The following ZFYVE16 variants were observed in gnomAD, a reference collection of about 807,000 sequenced individuals.
ZFYVE16 encodes the protein zinc finger FYVE-type containing 16, also known as zinc finger FYVE domain-containing protein 16.
Under a neutral mutation model 138.1 loss-of-function variants are expected in ZFYVE16, and 89 were observed. That is an observed-to-expected ratio of 0.64 (90% CI 0.54 to 0.77). ZFYVE16 has a LOEUF of 0.77. Ranked by LOEUF, ZFYVE16 falls within the 30% of genes least tolerant of loss-of-function variation. The pLI is 0.00. For synonymous variants in ZFYVE16, 596 were observed against 618.3 expected (o/e 0.96, Z 0.53); for missense variants, 1,793 against 1,786.7 (o/e 1.00, Z -0.06).
At chr5:80,467,276 A>G (rs1753842445) in intron 15 of ZFYVE16, among the ~76,000 whole-genome samples, 1 of 152,240 alleles carries the variant, frequency 6.6e-6, no homozygotes, top group Non-Finnish European at 1.5e-5. Context: ...AAGGGGTCAC[A>G]TGCAAGTTGC....
chr5:80,436,104 C>A (rs1390069399), intron 3 of ZFYVE16, among the ~76,000 whole-genome samples: 2 of 152,304 alleles, frequency 1.3e-5, no homozygotes, highest in Admixed American at 1.3e-4. Context: ...GTGGCTGTGG[C>A]CATCAACAGC....
chr5:80,445,223 T>G (rs753953424), intron 6 of ZFYVE16, 40 bp from the exon 7 acceptor site: 17 of 1,596,968 alleles, frequency 1.1e-5, no homozygotes, highest in Admixed American at 1.7e-5. Context: ...CATTGCCATA[T>G]TACCAGATTC....
At position 80,439,934 on chromosome 5, in the gene ZFYVE16, A is replaced by G; in HGVS notation, c.2323-2A>G. 1.2e-6 allele frequency: 2 copies of G among 1,602,268 alleles called. No individual in the cohort carries two copies. On this transcript the variant is annotated splice_acceptor_variant, in intron 4 of 18. Coordinates refer to ENST00000505560, the MANE Select transcript of ZFYVE16 (RefSeq NM_001284236.3). LOFTEE classifies it high-confidence loss of function. ...ACAAATTTGATATTTTATTCTTTATAGGTATTTTGTGGTGTCTGTTGTAAT... is the reference window on the plus strand; with the variant it reads ...ACAAATTTGATATTTTATTCTTTATGGGTATTTTGTGGTGTCTGTTGTAAT...
At chr5:80,435,761 G>A in intron 3 of ZFYVE16, 1 of 436,766 alleles carries the variant, frequency 2.3e-6, no homozygotes, top group South Asian at 1.6e-5. Flanking sequence ...ATTTTTTACA[G>A]ATGGGGTCTC....
intron 15 of ZFYVE16, among the ~76,000 whole-genome samples, chr5:80,462,320 G>C (rs374295371): frequency 2.0e-5 from 3 of 152,168 alleles, no homozygotes; most frequent in Non-Finnish European, 4.4e-5. Context: ...TACAGTCATG[G>C]TGGAAGGTGA....
chr5:80,464,748 C>G (rs899412207), intron 15 of ZFYVE16, among the ~76,000 whole-genome samples: 1 of 152,022 alleles, frequency 6.6e-6, no homozygotes, highest in Non-Finnish European at 1.5e-5. Context: ...TCCTTCCCTA[C>G]TGTGTTTTTT....
chr5:80,443,026 C>T (rs1750893651), intron 5 of ZFYVE16, 97 bp from the exon 6 acceptor site: 1 of 1,216,680 alleles, frequency 8.2e-7, no homozygotes, highest in Admixed American at 3.0e-5. Context: ...CTTTCTTTCT[C>T]CTTACAACTT....
At chr5:80,425,195 T>G (rs1747817579) in intron 1 of ZFYVE16, among the ~76,000 whole-genome samples, 1 of 152,232 alleles carries the variant, frequency 6.6e-6, no homozygotes, top group Non-Finnish European at 1.5e-5. Context: ...CTTCAATACC[T>G]TTTAACCTAG....
At chr5:80,424,687 C>G (rs1394257345) in intron 1 of ZFYVE16, among the ~76,000 whole-genome samples, 1 of 152,150 alleles carries the variant, frequency 6.6e-6, no homozygotes, top group African/African-American at 2.4e-5. Context: ...GTCTCGAACT[C>G]CTGACCTCAA....
chr5:80,478,130 T>A lies in ZFYVE16; in HGVS notation c.*753T>A, dbSNP rs1213158632. The A allele has an allele frequency of 1.3e-5, 2 of 152,114 alleles. No homozygotes were observed. The highest frequency in any genetic ancestry group is 4.8e-5 in the African/African-American group (2 of 41,440). 9.4% of individuals were successfully genotyped at this position (152,114 alleles called of 1,614,324 possible). On this transcript the variant is annotated 3_prime_UTR_variant, in exon 19 of 19. Transcript: ENST00000505560. ...AATGTTTTATAAATCTTTAATAATT[T>A]ATATGTAGGTAATATTTTTGTATCA...
chr5:80,461,061 T>C (rs921629289), intron 15 of ZFYVE16, among the ~76,000 whole-genome samples: 1 of 152,188 alleles, frequency 6.6e-6, no homozygotes, highest in Non-Finnish European at 1.5e-5. Context: ...AGATTAGGCA[T>C]TCCAAATCCA....
chr5:80,428,921 A>G (rs1341348139), intron 2 of ZFYVE16, among the ~76,000 whole-genome samples: 1 of 152,196 alleles, frequency 6.6e-6, no homozygotes, highest in African/African-American at 2.4e-5. Context: ...GAATAAAAAG[A>G]AACGAACAAA....
Position 80,438,932 on chromosome 5 carries a change from A to G in ZFYVE16, c.2247A>G (p.Glu749=). The change falls in exon 4 of 19, where the codon GAA becomes GAG. Residue 749 remains glutamate, a synonymous_variant. Transcript: ENST00000505560. ...QKQPTWVPDS[E]APNCMNCQVK... Reference sequence around the variant, plus strand: ...AGCCTACTTGGGTTCCTGATTCAGAAGCTCCAAACTGTATGAACTGCCAAG... The same window carrying G: ...AGCCTACTTGGGTTCCTGATTCAGAGGCTCCAAACTGTATGAACTGCCAAG... The G allele has an allele frequency of 6.2e-7, 1 of 1,614,102 alleles. No individual in the cohort carries two copies. The highest frequency in any genetic ancestry group is 1.1e-5 in the South Asian group (1 of 91,078).
chr5:80,455,960 C>T, intron 12 of ZFYVE16, 186 bp downstream of exon 12: 1 of 539,070 alleles, frequency 1.9e-6, no homozygotes, highest in Non-Finnish European at 3.2e-6. Flanking sequence ...CTTTTTAGAA[C>T]GTACTATCTC....
Position 80,438,383 on chromosome 5 carries a change from G to A in ZFYVE16, c.1698G>A (p.Met566Ile). The A allele has an allele frequency of 6.2e-7, 1 of 1,613,794 alleles. No homozygotes were observed. The highest frequency in any genetic ancestry group is 8.5e-7 in the Non-Finnish European group (1 of 1,179,906). Residue 566 changes from methionine (M) to isoleucine (I), a missense_variant, in exon 4 of 19, where the codon ATG (methionine) becomes ATA (isoleucine). Physicochemically the swap from Met to Ile is conservative, Grantham distance 10. Around this residue, in one of 2 missense-constraint regions of ZFYVE16, gnomAD observed 1,295 missense variants for 1,204.3 expected, o/e 1.08. Coordinates refer to ENST00000505560, the MANE Select transcript of ZFYVE16 (RefSeq NM_001284236.3). The part of the protein sequence containing the change: ...DSKSQMNQID[M>I]KGLDDGNINN... Reference sequence around the variant, plus strand: ...AATCGCAAATGAATCAGATAGATATGAAAGGCTTAGATGATGGAAACATCA... The same window carrying A: ...AATCGCAAATGAATCAGATAGATATAAAAGGCTTAGATGATGGAAACATCA...
chr5:80,463,974 C>T (rs779022968), intron 15 of ZFYVE16, among the ~76,000 whole-genome samples: 30 of 152,198 alleles, frequency 2.0e-4, no homozygotes, highest in Admixed American at 3.3e-4. Flanking sequence ...TCAGCCTGGA[C>T]TTCATTGTCC....
chr5:80,469,810 A>AT (rs57924011), intron 15 of ZFYVE16, among the ~76,000 whole-genome samples: 114,627 of 147,702 alleles, frequency 0.78, 47,145 homozygotes, highest in Non-Finnish European at 0.9. Context: ...TTCTCCAATT[A>AT]TTTTTTTTTT....
At chr5:80,413,330 G>T (rs545495097) in intron 1 of ZFYVE16, among the ~76,000 whole-genome samples, 1 of 152,048 alleles carries the variant, frequency 6.6e-6, no homozygotes, top group South Asian at 2.1e-4. Flanking sequence ...AATTAGCCAG[G>T]CATGGTGGCG....
intron 1 of ZFYVE16, among the ~76,000 whole-genome samples, chr5:80,413,090 C>T (rs144870044): frequency 3.9e-5 from 6 of 152,254 alleles, no homozygotes; most frequent in Non-Finnish European, 5.9e-5. Context: ...GTGGGAGGAT[C>T]GCTTGAGCCC....
Sources: gnomAD v4.1 joint callset for allele counts (sites outside exome capture counted in the v4.1 genomes callset) on GRCh38, gnomAD v4.1.1 for gene constraint, gnomAD v4.1.1 regional missense constraint, MANE v1.5 for transcripts, NCBI Gene and HGNC (gene_info 2026-07-23, HGNC 2026-07-21) for gene names.